The following APBA2 variants were observed in gnomAD, a reference collection of about 807,000 sequenced individuals.
APBA2 encodes the protein amyloid beta precursor protein binding family A member 2.
APBA2 carries 30 observed loss-of-function variants against 75.0 expected under a neutral mutation model. The observed-to-expected ratio is 0.40, with a 90% CI of 0.30 to 0.54. The LOEUF (loss-of-function observed/expected upper bound fraction) is 0.54, where lower values mean the gene tolerates loss of function less well. Ranked by LOEUF, APBA2 falls within the 20% of genes least tolerant of loss-of-function variation. The pLI is 0.49. For missense variants in APBA2, 801 were observed against 1,016.1 expected, an observed-to-expected ratio of 0.79 and a Z score of 2.88; for synonymous variants, 444 against 409.6, an observed-to-expected ratio of 1.08 and a Z score of -1.01.
chr15:29,111,435 A>G (rs2044723994), intron 13 of APBA2, among the ~76,000 whole-genome samples: 1 of 152,084 alleles, frequency 6.6e-6, no homozygotes, highest in Non-Finnish European at 1.5e-5. Flanking sequence ...TTTCTCCAGG[A>G]TACAGGACAG....
Position 29,108,143 on chromosome 15 carries a change from A to G in APBA2, c.1918-127A>G, listed in dbSNP as rs551161426. The stretch of plus-strand genomic sequence containing the variant: ...GAGGGGCTACCGAGGCTGAGAGGGG[A>G]CTGCCTGCCTCTCCCATTGTGTGTT... On this transcript the variant is annotated intron_variant, in intron 12 of 14. Coordinates refer to ENST00000683413, the MANE Select transcript of APBA2 (RefSeq NM_001353788.2). 2.3e-4 allele frequency: 313 copies of G among 1,365,792 alleles called. 1 individual carries two copies. In the South Asian group the frequency reaches 3.6e-3, roughly 16 times the overall value. The allele number at this position is 1,365,792 out of a possible 1,614,324, so 84.6% of individuals were successfully genotyped here.
chr15:29,001,862 A>G (rs1236939833), intron 3 of APBA2, among the ~76,000 whole-genome samples: 1 of 152,214 alleles, frequency 6.6e-6, no homozygotes, highest in East Asian at 1.9e-4. Flanking sequence ...TGTGAGCCCA[A>G]CATAATTAGT....
In APBA2 at chr15:29,019,441, A is replaced by G. The variant is rs529881971; in HGVS notation, c.-41+23635A>G. Among the ~76,000 whole-genome samples, 360 of 152,314 alleles carry G rather than the reference A, an allele frequency of 2.4e-3. 1 individual carries two copies. The highest frequency in any genetic ancestry group is 8.4e-3 in the African/African-American group (350 of 41,570). ...AAAATTCAGACATCAGAGATAAAGC[A>G]GAGTTCTCCCTTGGCTGCATCTACA... is the stretch of plus-strand genomic sequence containing the variant. On this transcript the variant is annotated intron_variant, in intron 3 of 14. Transcript: ENST00000683413.
chr15:28,971,052 A>G (rs374728240), intron 2 of APBA2, among the ~76,000 whole-genome samples: 4 of 152,064 alleles, frequency 2.6e-5, no homozygotes, highest in Admixed American at 6.5e-5. Flanking sequence ...CCGCACGCCC[A>G]TTTCACTCTC....
At chr15:29,048,573 C>T (rs2041452070) in intron 3 of APBA2, among the ~76,000 whole-genome samples, 1 of 152,078 alleles carries the variant, frequency 6.6e-6, no homozygotes, top group Admixed American at 6.5e-5. Context: ...TGGCATGGTA[C>T]TGTTGCTGGG....
intron 10 of APBA2, 194 bp downstream of exon 10, chr15:29,101,978 G>C: frequency 3.1e-6 from 2 of 650,102 alleles, no homozygotes; most frequent in Non-Finnish European, 5.5e-6. Context: ...TCTACTTCTT[G>C]AAATAGGTTC....
At chr15:29,045,370 A>G (rs1036191074) in intron 3 of APBA2, among the ~76,000 whole-genome samples, 1 of 151,342 alleles carries the variant, frequency 6.6e-6, no homozygotes, top group African/African-American at 2.4e-5. Context: ...GATTACAGGC[A>G]TGAGCCACCA....
intron 3 of APBA2, among the ~76,000 whole-genome samples, chr15:29,045,081 C>CTCTCTCTCTT (rs1218928419): frequency 4.4e-5 from 6 of 137,278 alleles, no homozygotes; most frequent in South Asian, 2.5e-4. Context: ...CTCTCTCTCT[C>CTCTCTCTCTT]TCTCTCTCTC....
chr15:29,045,069 T>TTCTCTCTCTCTCTCTCTCTCTCTC (rs1555399868), intron 3 of APBA2, among the ~76,000 whole-genome samples: 2 of 82,866 alleles, frequency 2.4e-5, no homozygotes, highest in Admixed American at 1.2e-4. Context: ...CCCTCCCTCC[T>TTCTCTCTCTCTCTCTCTCTCTCTC]TCTCTCTCTC....
intron 14 of APBA2, among the ~76,000 whole-genome samples, chr15:29,115,896 G>A (rs777674756): frequency 6.6e-6 from 1 of 152,152 alleles, no homozygotes; most frequent in Non-Finnish European, 1.5e-5. Context: ...CCTGAGGAGG[G>A]GCAGATGCAC....
At chr15:29,105,040 G>A (rs1372021430) in intron 10 of APBA2, among the ~76,000 whole-genome samples, 2 of 152,218 alleles carry the variant, frequency 1.3e-5, no homozygotes, top group African/African-American at 4.8e-5. Flanking sequence ...AATATGACAT[G>A]TAGTAAATAA....
At chr15:29,055,957 C>T (rs1036134381) in intron 4 of APBA2, among the ~76,000 whole-genome samples, 6 of 152,082 alleles carry the variant, frequency 3.9e-5, no homozygotes, top group Non-Finnish European at 5.9e-5. Context: ...CCCCTAAGGC[C>T]AGGAGGCTCT....
intron 1 of APBA2, among the ~76,000 whole-genome samples, chr15:28,917,822 CT>C (rs2033754912): frequency 6.6e-6 from 1 of 152,152 alleles, no homozygotes; most frequent in South Asian, 2.1e-4. Context: ...TTGAGGAGAA[CT>C]TTTTGTCACA....
intron 3 of APBA2, among the ~76,000 whole-genome samples, chr15:29,032,775 G>T (rs1185125689): frequency 6.6e-6 from 1 of 151,924 alleles, no homozygotes; most frequent in Non-Finnish European, 1.5e-5. Flanking sequence ...GTGGCACTCA[G>T]TACTTTTCAT....
intron 3 of APBA2, among the ~76,000 whole-genome samples, chr15:28,996,319 A>G (rs1339992341): frequency 1.3e-5 from 2 of 152,174 alleles, no homozygotes; most frequent in East Asian, 1.9e-4. Flanking sequence ...TGAGCAGAAG[A>G]AATCTAACTT....
Position 29,101,695 on chromosome 15 carries a change from G to A in APBA2, c.1435G>A (p.Ala479Thr), listed in dbSNP as rs1183470161. ...LMARRRMPRS[A>T]SQDCIETTPG... Reference sequence around the variant, plus strand: ...GGCCAGACGCCGCATGCCCCGGTCAGCCTCTCAGGACTGCATCGAGACCAC... The same window carrying A: ...GGCCAGACGCCGCATGCCCCGGTCAACCTCTCAGGACTGCATCGAGACCAC... The change falls in exon 10 of 15, where the codon GCC becomes ACC. Residue 479 changes from alanine to threonine, a missense_variant. Transcript: ENST00000683413. 1.2e-6 allele frequency: 2 copies of A among 1,613,598 alleles called. No homozygotes were observed. The highest frequency in any genetic ancestry group is 2.7e-5 in the African/African-American group (2 of 74,940).
In APBA2 at chr15:28,940,644, C is replaced by T. The variant is rs191115544; in HGVS notation, c.-95+18895C>T. On this transcript the variant is annotated intron_variant, in intron 2 of 14. Transcript: ENST00000683413. Reference sequence around the variant, plus strand: ...ATCCATAAGTAGCCCTAGAGCGTTCCCTGGAGAGGCCTGGAATCAGTGGCC... The same window carrying T: ...ATCCATAAGTAGCCCTAGAGCGTTCTCTGGAGAGGCCTGGAATCAGTGGCC... 2.1e-3 allele frequency among the ~76,000 whole-genome samples: 321 copies of T among 152,256 alleles called. 2 individuals are homozygous for T. The highest frequency in any genetic ancestry group is 7.2e-3 in the African/African-American group (301 of 41,556).
At position 29,112,269 on chromosome 15, in the gene APBA2, GTC is replaced by G. The variant is rs1271691514; in HGVS notation, c.2038-1605_2038-1604del. On this transcript the variant is annotated intron_variant, in intron 13 of 14. Transcript: ENST00000683413. ...GGCGCTGGAGGATGCCTGGCTAGGAGTCTATCAGCTCCTGTCCCGACCTGCAG... is the reference window on the plus strand; with the variant it reads ...GGCGCTGGAGGATGCCTGGCTAGGAGTATCAGCTCCTGTCCCGACCTGCAG... Among the ~76,000 whole-genome samples, 19 of 152,352 alleles carry G rather than the reference GTC, an allele frequency of 1.2e-4. No homozygotes were observed. In the East Asian group the frequency reaches 3.7e-3, roughly 29 times the overall value.
chr15:29,093,020 C>T, intron 6 of APBA2, 55 bp from the exon 7 acceptor site: 10 of 1,611,246 alleles, frequency 6.2e-6, no homozygotes, highest in Non-Finnish European at 8.5e-6. Context: ...CATGCAAGTT[C>T]TTTGTTCAGG....
Sources: gnomAD v4.1 joint callset for allele counts (sites outside exome capture counted in the v4.1 genomes callset) on GRCh38, gnomAD v4.1.1 for gene constraint, MANE v1.5 for transcripts, NCBI Gene and HGNC (gene_info 2026-07-23, HGNC 2026-07-21) for gene names.